AXDND1: variants seen among roughly 807,000 people sequenced by gnomAD.
The protein encoded by AXDND1 is axonemal dynein light chain domain-containing protein 1.
In AXDND1, 110 loss-of-function variants were observed where a neutral mutation model predicts 137.5. The ratio of observed to expected loss-of-function variants is 0.80; its 90% CI spans 0.69 to 0.94. The LOEUF (loss-of-function observed/expected upper bound fraction) is 0.94, where lower values mean the gene tolerates loss of function less well. AXDND1 is among the 40% of genes least tolerant of loss of function. The pLI is 0.00. For synonymous variants in AXDND1, 414 were observed against 399.7 expected (o/e 1.04, Z -0.43); for missense variants, 1,191 against 1,169.8 (o/e 1.02, Z -0.26).
intron 22 of AXDND1, 52 bp from the exon 23 acceptor site, chr1:179,528,275 G>T: frequency 1.5e-6 from 2 of 1,338,696 alleles, no homozygotes; most frequent in South Asian, 1.2e-5. Context: ...CAGGAAACTT[G>T]CTGGGGTGCT....
intron 12 of AXDND1, among the ~76,000 whole-genome samples, chr1:179,419,275 G>A (rs1297086129): frequency 1.3e-5 from 2 of 152,026 alleles, no homozygotes; most frequent in Admixed American, 6.6e-5. Context: ...CGGCTGGGAG[G>A]TGGTTGTAGC....
At chr1:179,405,299 A>G (rs1025169063) in intron 11 of AXDND1, among the ~76,000 whole-genome samples, 8 of 152,054 alleles carry the variant, frequency 5.3e-5, no homozygotes, top group African/African-American at 1.9e-4. Context: ...TATGTGCCAC[A>G]TTTTCTTAAT....
intron 22 of AXDND1, 98 bp downstream of exon 22, chr1:179,525,545 G>A (rs1670454434): frequency 7.4e-7 from 1 of 1,359,308 alleles, no homozygotes; most frequent in Non-Finnish European, 9.7e-7. Context: ...CACCCAGGTT[G>A]GAGTGCTGTG....
intron 20 of AXDND1, among the ~76,000 whole-genome samples, chr1:179,498,915 CAAAAA>C (rs34684958): frequency 6.7e-6 from 1 of 149,786 alleles, no homozygotes; most frequent in African/African-American, 2.5e-5. Context: ...TATAAAAAGT[CAAAAA>C]AAAACAACAG....
intron 12 of AXDND1, among the ~76,000 whole-genome samples, chr1:179,427,586 A>C (rs940666131): frequency 6.6e-6 from 1 of 152,318 alleles, no homozygotes; most frequent in African/African-American, 2.4e-5. Context: ...GTTAGTAGGG[A>C]TAAATGTATA....
intron 11 of AXDND1, among the ~76,000 whole-genome samples, chr1:179,401,068 G>T (rs1384253476): frequency 6.6e-6 from 1 of 151,452 alleles, no homozygotes; most frequent in Non-Finnish European, 1.5e-5. Context: ...AGACCAGCCT[G>T]ACCAACATGG....
intron 19 of AXDND1, among the ~76,000 whole-genome samples, chr1:179,492,086 T>A (rs1442547607): frequency 6.6e-6 from 1 of 152,144 alleles, no homozygotes; most frequent in Non-Finnish European, 1.5e-5. Context: ...CCGTCATGTA[T>A]TTTTTTAGAC....
At chr1:179,501,236 AG>A (rs1248995782) in intron 20 of AXDND1, among the ~76,000 whole-genome samples, 1 of 152,226 alleles carries the variant, frequency 6.6e-6, no homozygotes, top group Non-Finnish European at 1.5e-5. Flanking sequence ...TTTGAAAATA[AG>A]GTGAGAGGAC....
At chr1:179,377,193 A>G (rs1260798454) in intron 4 of AXDND1, among the ~76,000 whole-genome samples, 1 of 152,110 alleles carries the variant, frequency 6.6e-6, no homozygotes, top group Non-Finnish European at 1.5e-5. Context: ...CAGCCTCCCA[A>G]AGTGCTGGTG....
At chr1:179,413,639 A>T (rs1453878774) in intron 12 of AXDND1, among the ~76,000 whole-genome samples, 1 of 152,144 alleles carries the variant, frequency 6.6e-6, no homozygotes, top group Admixed American at 6.5e-5. Context: ...TTACCCAATT[A>T]ATCATTGATG....
chr1:179,383,023 CTA>C (rs1315772582), intron 7 of AXDND1, among the ~76,000 whole-genome samples: 1 of 151,880 alleles, frequency 6.6e-6, no homozygotes, highest in Admixed American at 6.6e-5. Context: ...CTTTTATATT[CTA>C]TGTTTAACCA....
In AXDND1 at chr1:179,393,947, T is replaced by C. The variant is rs747360696; in HGVS notation, c.908T>C (p.Ile303Thr). ...QMLDQIARQMIDFYKDLVTQR... is the reference protein window; with the variant it reads ...QMLDQIARQMTDFYKDLVTQR... ...CTTGACCAGATTGCTCGGCAGATGA[T>C]TGATTTCTACAAAGACTTGGTAACT... Residue 303 changes from isoleucine to threonine, a missense_variant, in exon 10 of 26, where the codon ATT (isoleucine) becomes ACT (threonine). Physicochemically the swap from Ile to Thr is moderately conservative, Grantham distance 89. Transcript: ENST00000367618. The C allele has an allele frequency of 3.7e-6, 6 of 1,612,154 alleles. No homozygotes were observed. The highest frequency in any genetic ancestry group is 5.1e-6 in the Non-Finnish European group (6 of 1,179,392).
chr1:179,441,395 G>A (rs1430501360), intron 15 of AXDND1, among the ~76,000 whole-genome samples: 1 of 152,196 alleles, frequency 6.6e-6, no homozygotes, highest in Non-Finnish European at 1.5e-5. Context: ...TGCCAAATTA[G>A]CCATTGCTTG....
intron 17 of AXDND1, among the ~76,000 whole-genome samples, chr1:179,469,543 A>G (rs1228799191): frequency 2.0e-5 from 3 of 152,136 alleles, no homozygotes; most frequent in Admixed American, 6.5e-5. Flanking sequence ...TAAGGAGTGG[A>G]ATTGCTGGAT....
At chr1:179,404,305 T>G (rs780029761) in intron 11 of AXDND1, among the ~76,000 whole-genome samples, 1 of 150,308 alleles carries the variant, frequency 6.7e-6, no homozygotes, top group Non-Finnish European at 1.5e-5. Context: ...CACTGCAACC[T>G]CTGCCTCCTG....
At chr1:179,412,233 T>C (rs1055041706) in intron 12 of AXDND1, among the ~76,000 whole-genome samples, 2 of 152,204 alleles carry the variant, frequency 1.3e-5, no homozygotes, top group African/African-American at 4.8e-5. Flanking sequence ...ATAGTAATAC[T>C]TTAGGGAAAT....
chr1:179,408,596 T>C (rs1337008168), intron 11 of AXDND1, among the ~76,000 whole-genome samples: 2 of 152,136 alleles, frequency 1.3e-5, no homozygotes, highest in African/African-American at 4.8e-5. Flanking sequence ...GCCAGACTGG[T>C]CTTGAACTCC....
rs192119804 is a variant in AXDND1 at position 179,394,970 on chromosome 1, G to A, written c.1005-128G>A. The A allele has an allele frequency of 5.4e-4, 366 of 673,772 alleles. 1 individual carries two copies. The highest frequency in any genetic ancestry group is 6.0e-4 in the Non-Finnish European group (243 of 403,904). The allele number at this position is 673,772 out of a possible 1,614,324, so 41.7% of individuals were successfully genotyped here. ...TCAATTTCTTGATTTGGTTTATAAG[G>A]TGGAAAAACTGGGAAGGGAGGTACA... On this transcript the variant is annotated intron_variant, in intron 10 of 25. Coordinates refer to ENST00000367618, the MANE Select transcript of AXDND1 (RefSeq NM_144696.6).
intron 9 of AXDND1, among the ~76,000 whole-genome samples, chr1:179,387,066 G>A (rs1193582714): frequency 1.3e-5 from 2 of 152,084 alleles, no homozygotes; most frequent in African/African-American, 4.8e-5. Context: ...ATAACTTTTA[G>A]TGGTTTTGTC....
Sources: allele counts gnomAD v4.1 joint callset (sites outside exome capture counted in the v4.1 genomes callset), GRCh38; gene constraint gnomAD v4.1.1; transcripts MANE v1.5; gene names NCBI Gene and HGNC (gene_info 2026-07-23, HGNC 2026-07-21).